The following SBNO2 variants were observed in gnomAD, a reference collection of about 807,000 sequenced individuals.
The protein encoded by SBNO2 is protein strawberry notch homolog 2.
SBNO2 carries 89 observed loss-of-function variants against 146.3 expected under a neutral mutation model. The ratio of observed to expected loss-of-function variants is 0.61; its 90% CI spans 0.51 to 0.73. The LOEUF (loss-of-function observed/expected upper bound fraction) is 0.73, where lower values mean the gene tolerates loss of function less well. Ranked by LOEUF, SBNO2 falls within the 30% of genes least tolerant of loss-of-function variation. SBNO2 has a pLI of 0.00. For missense variants in SBNO2, 2,092 were observed against 2,003.7 expected (o/e 1.04, Z -0.84); for synonymous variants, 1,147 against 892.6 (o/e 1.29, Z -5.08).
chr19:1,123,989 C>A lies in SBNO2; in HGVS notation c.475G>T (p.Glu159Ter). Residue 159 changes from glutamate (E) to a stop codon, truncating the protein, a stop_gained, in exon 6 of 32, where the codon GAG (glutamate) becomes TAG (stop). Coordinates refer to ENST00000361757, the MANE Select transcript of SBNO2 (RefSeq NM_014963.3). LOFTEE classifies it high-confidence loss of function. Reference sequence around the variant, plus strand: ...GTGCTGTGGGAGGGCAGAAAGTCCTCGAAGCCTGCAAACGGCCTGCTGAGC... The same window carrying A: ...GTGCTGTGGGAGGGCAGAAAGTCCTAGAAGCCTGCAAACGGCCTGCTGAGC... Reference protein sequence around the residue: ...FQLSRPFAGFEDFLPSHSTPL... With the variant: ...FQLSRPFAGF 6.2e-7 allele frequency: 1 copy of A among 1,612,060 alleles called. No homozygotes were observed.
intron 23 of SBNO2, 76 bp from the exon 24 acceptor site, chr19:1,111,690 C>G (rs2079762484): frequency 9.6e-7 from 1 of 1,042,700 alleles, no homozygotes; most frequent in Non-Finnish European, 1.4e-6. Context: ...CTCCCCAGAA[C>G]CCCACCCTCC....
In SBNO2 at chr19:1,144,593, G is replaced by C. The variant is rs550085184; in HGVS notation, c.279+2716C>G. The stretch of plus-strand genomic sequence containing the variant: ...AGGGAGACAGAGACGCAGAGACATA[G>C]AGACATAGAGACAGAGGCAGAGAGG... On this transcript the variant is annotated intron_variant, in intron 4 of 31. Transcript: ENST00000361757. The surrounding 1 kb of genome is among the most constrained non-coding windows in gnomAD (Gnocchi z 4.1). 6.6e-6 allele frequency among the ~76,000 whole-genome samples: 1 copy of C among 151,924 alleles called. No individual in the cohort carries two copies. The highest frequency in any genetic ancestry group is 2.4e-5 in the African/African-American group (1 of 41,350).
At position 1,154,438 on chromosome 19, in the gene SBNO2, C is replaced by A. The variant is rs112763041; in HGVS notation, c.-126-36G>T. The A allele has an allele frequency of 0.019, 7,377 of 395,886 alleles. 120 individuals carry two copies. The highest frequency in any genetic ancestry group is 0.024 in the Non-Finnish European group (5,453 of 226,780). 24.5% of individuals were successfully genotyped at this position (395,886 alleles called of 1,614,324 possible). A position where few individuals can be genotyped will look rare whatever the true frequency, so the allele number is the denominator to read the frequency against. ...AGACGGGGACGTCCTGAGAGTCCAACGGTGGTGGAGAGTGGTGCTCCCCGG... is the reference window on the plus strand; with the variant it reads ...AGACGGGGACGTCCTGAGAGTCCAAAGGTGGTGGAGAGTGGTGCTCCCCGG... On this transcript the variant is annotated intron_variant, in intron 1 of 31. Transcript: ENST00000361757.
chr19:1,109,123 G>C lies in SBNO2; in HGVS notation c.3425+12C>G, dbSNP rs769286826. On this transcript the variant is annotated intron_variant, in intron 30 of 31. Coordinates refer to ENST00000361757, the MANE Select transcript of SBNO2 (RefSeq NM_014963.3). This position sits in a 1 kb window ranked among gnomAD's most constrained non-coding sequence, Gnocchi z 4.2. ...TCTGCCGGTTTCCCCCTGGTCCCCGGCCCGCCCTCACCAGGCGCTGTGGCT... is the reference window on the plus strand; with the variant it reads ...TCTGCCGGTTTCCCCCTGGTCCCCGCCCCGCCCTCACCAGGCGCTGTGGCT... The C allele has an allele frequency of 1.9e-6, 3 of 1,549,792 alleles. No individual in the cohort carries two copies. In the South Asian group the frequency reaches 3.6e-5, roughly 18 times the overall value.
rs896858574 is a variant in SBNO2, at chr19:1,122,133, G to A, written c.1149+6C>T. 4 of 1,413,934 alleles carry A rather than the reference G, an allele frequency of 2.8e-6. No individual in the cohort carries two copies. Among genetic ancestry groups the A allele is most frequent in the Admixed American group, 3.0e-5 (1 of 33,642 alleles). 87.6% of individuals were successfully genotyped at this position (1,413,934 alleles called of 1,614,324 possible). A position where few individuals can be genotyped will look rare whatever the true frequency, so the allele number is the denominator to read the frequency against. On this transcript the variant is annotated splice_donor_region_variant and intron_variant, in intron 11 of 31. Coordinates refer to ENST00000361757, the MANE Select transcript of SBNO2 (RefSeq NM_014963.3). ...CCTCCCCTCCCGATTGCCCCCAGCA[G>A]GATACGACGCCCTCGAAGGCCTCCC...
intron 4 of SBNO2, among the ~76,000 whole-genome samples, chr19:1,139,024 C>G (rs527769331): frequency 6.6e-6 from 1 of 152,306 alleles, no homozygotes; most frequent in East Asian, 1.9e-4. Flanking sequence ...TACCTGGTAC[C>G]TCCACGCGTC....
In SBNO2 at chr19:1,112,572, G is replaced by GC. The variant is rs1051331352; in HGVS notation, c.2380-36dup. On this transcript the variant is annotated intron_variant, in intron 20 of 31. Coordinates refer to ENST00000361757, the MANE Select transcript of SBNO2 (RefSeq NM_014963.3). The surrounding 1 kb of genome is among the most constrained non-coding windows in gnomAD (Gnocchi z 5.9). Reference sequence around the variant, plus strand: ...AAGAAGGGGCCGGGACACGGTTGGTGCAAGGCCCGCCCCAGCGTTGCCGCC... The same window carrying GC: ...AAGAAGGGGCCGGGACACGGTTGGTGCCAAGGCCCGCCCCAGCGTTGCCGCC... 9 of 1,562,552 alleles carry GC rather than the reference G, an allele frequency of 5.8e-6. No individual in the cohort carries two copies. Among genetic ancestry groups the GC allele is most frequent in the Non-Finnish European group, 7.8e-6 (9 of 1,160,418 alleles).
intron 11 of SBNO2, among the ~76,000 whole-genome samples, chr19:1,121,782 G>A (rs911480532): frequency 6.6e-6 from 1 of 152,126 alleles, no homozygotes; most frequent in African/African-American, 2.4e-5. Context: ...CAAACATCAG[G>A]ACCACATCTA....
At chr19:1,141,473 C>T (rs770553933) in intron 4 of SBNO2, among the ~76,000 whole-genome samples, 2 of 152,210 alleles carry the variant, frequency 1.3e-5, no homozygotes, top group Non-Finnish European at 2.9e-5. Context: ...CCTTGGCCCC[C>T]CAAAGTGCTG....
At chr19:1,146,861 C>T (rs1442483691) in intron 4 of SBNO2, among the ~76,000 whole-genome samples, 3 of 151,776 alleles carry the variant, frequency 2.0e-5, no homozygotes, top group Admixed American at 6.6e-5. Context: ...AGCCTCCCCG[C>T]GACCCTGGGG....
intron 1 of SBNO2, among the ~76,000 whole-genome samples, chr19:1,164,413 GGAGGAA>G (rs1415152147): frequency 6.0e-5 from 6 of 99,372 alleles, no homozygotes; most frequent in African/African-American, 1.4e-4. Flanking sequence ...AGGAGGAGGA[GGAGGAA>G]CAGGAGGAGG....
chr19:1,169,018 C>T (rs1054335537), intron 1 of SBNO2: 1 of 152,282 alleles, frequency 6.6e-6, no homozygotes, highest in Non-Finnish European at 1.5e-5. Context: ...AAGGCCGCCT[C>T]TTTCGGTTTC....
At chr19:1,147,809 C>T (rs1568617476) in intron 3 of SBNO2, among the ~76,000 whole-genome samples, 1 of 152,138 alleles carries the variant, frequency 6.6e-6, no homozygotes, top group Non-Finnish European at 1.5e-5. Context: ...CCACACCTCA[C>T]TCCCGCCTCG....
Position 1,111,092 on chromosome 19 carries a change from G to A in SBNO2, c.2811C>T (p.Asp937=), listed in dbSNP as rs780446082. 4 of 1,548,942 alleles carry A rather than the reference G, an allele frequency of 2.6e-6. No individual in the cohort carries two copies. The East Asian group carries it at 9.7e-5, about 38-fold the overall frequency. Residue 937 remains aspartate, a splice_region_variant and synonymous_variant, in exon 25 of 32, where the codon GAC becomes GAT. Coordinates refer to ENST00000361757, the MANE Select transcript of SBNO2 (RefSeq NM_014963.3). ...CCACAGACAGCAGGCCCTGCTTCAT[G>A]TCTGCGGGGAGAGGGGCCTCACATG... is the stretch of plus-strand genomic sequence containing the variant. ...YPGGVPTFFR[D]MKQGLLSVGI... is the part of the protein sequence containing the mutation.
At chr19:1,111,221 C>A (rs563170189) in intron 24 of SBNO2, 128 bp from the exon 25 acceptor site, 22 of 1,065,838 alleles carry the variant, frequency 2.1e-5, no homozygotes, top group Non-Finnish European at 2.4e-5. Context: ...AGGGCCAGGG[C>A]CAGGGCCAGG....
chr19:1,169,461 G>A (rs1313907114), intron 1 of SBNO2, among the ~76,000 whole-genome samples: 1 of 152,222 alleles, frequency 6.6e-6, no homozygotes, highest in Non-Finnish European at 1.5e-5. Context: ...CCACCCATGT[G>A]GCCCAAGGCC....
At chr19:1,114,884 C>T (rs1434390457) in intron 17 of SBNO2, among the ~76,000 whole-genome samples, 7 of 152,106 alleles carry the variant, frequency 4.6e-5, no homozygotes, top group Non-Finnish European at 5.9e-5. Flanking sequence ...CCACCTGCCT[C>T]AGCCTCCCAA....
Position 1,112,335 on chromosome 19 carries a change from G to A in SBNO2, c.2516-34C>T. On this transcript the variant is annotated intron_variant, in intron 21 of 31. Transcript: ENST00000361757. This position sits in a 1 kb window ranked among gnomAD's most constrained non-coding sequence, Gnocchi z 5.9. The stretch of plus-strand genomic sequence containing the variant: ...AGAGCTGCTCTCAGGGCCCGGCCAG[G>A]CGGGGGCGGGGCCGAGACCATGTTG... 12 of 1,566,288 alleles carry A rather than the reference G, an allele frequency of 7.7e-6. No homozygotes were observed. The highest frequency in any genetic ancestry group is 1.0e-5 in the Non-Finnish European group (12 of 1,157,848).
chr19:1,160,631 G>C (rs746634719), intron 1 of SBNO2, among the ~76,000 whole-genome samples: 5 of 152,206 alleles, frequency 3.3e-5, no homozygotes, highest in African/African-American at 4.8e-5. Flanking sequence ...CTGGGTTCCA[G>C]TGATTTTTGT....
Sources: allele counts gnomAD v4.1 joint callset (sites outside exome capture counted in the v4.1 genomes callset), GRCh38; gene constraint gnomAD v4.1.1; non-coding constraint Gnocchi (gnomAD v3.1); transcripts MANE v1.5; gene names NCBI Gene and HGNC (gene_info 2026-07-23, HGNC 2026-07-21).